The following CCSER1 variants were observed in gnomAD, a reference collection of about 807,000 sequenced individuals.
The protein encoded by CCSER1 is coiled-coil serine rich protein 1, also known as serine-rich coiled-coil domain-containing protein 1.
Under a neutral mutation model 82.0 loss-of-function variants are expected in CCSER1, and 41 were observed. The observed-to-expected ratio is 0.50, with a 90% CI of 0.39 to 0.65. CCSER1 has a LOEUF of 0.65. Ranked by LOEUF, CCSER1 falls within the 30% of genes least tolerant of loss-of-function variation. The pLI, the probability that CCSER1 is intolerant of heterozygous loss-of-function variation, is 0.00. For missense variants in CCSER1, 1,119 were observed against 1,064.2 expected (o/e 1.05, Z -0.72); for synonymous variants, 414 against 383.9 (o/e 1.08, Z -0.92).
chr4:90,519,959 G>T (rs922163307), intron 5 of CCSER1, among the ~76,000 whole-genome samples: 3 of 152,036 alleles, frequency 2.0e-5, no homozygotes, highest in African/African-American at 7.2e-5. Flanking sequence ...GTGTAGTACA[G>T]TGGTTACAAC....
chr4:90,590,654 T>C (rs1458909259), intron 5 of CCSER1, among the ~76,000 whole-genome samples: 3 of 152,108 alleles, frequency 2.0e-5, no homozygotes, highest in African/African-American at 7.2e-5. Context: ...TCCATAAGCC[T>C]ATATGTCTGT....
intron 5 of CCSER1, among the ~76,000 whole-genome samples, chr4:90,557,715 G>A (rs926203369): frequency 1.3e-5 from 2 of 152,034 alleles, no homozygotes; most frequent in African/African-American, 4.8e-5. Context: ...CTTCTTGGAA[G>A]GACAGTCTAG....
At chr4:90,403,819 A>G (rs1411083613) in intron 4 of CCSER1, 1 of 152,192 alleles carries the variant, frequency 6.6e-6, no homozygotes, top group East Asian at 1.9e-4. Context: ...AAGACCACAG[A>G]AGACAAGATT....
intron 9 of CCSER1, among the ~76,000 whole-genome samples, chr4:90,973,584 T>C (rs1735322471): frequency 6.6e-6 from 1 of 151,674 alleles, no homozygotes; most frequent in South Asian, 2.1e-4. Context: ...TTACTGCCAT[T>C]ATGAAAAACA....
chr4:91,193,238 CA>C (rs1455388673), intron 10 of CCSER1, among the ~76,000 whole-genome samples: 1 of 152,236 alleles, frequency 6.6e-6, no homozygotes, highest in Non-Finnish European at 1.5e-5. Context: ...CCTATCTTTG[CA>C]AAAAGTTATA....
chr4:90,568,774 T>C (rs1468334340), intron 5 of CCSER1, among the ~76,000 whole-genome samples: 1 of 151,152 alleles, frequency 6.6e-6, no homozygotes, highest in African/African-American at 2.4e-5. Flanking sequence ...TTTTTTTTTT[T>C]TCCTTTTTGA....
intron 8 of CCSER1, among the ~76,000 whole-genome samples, chr4:90,829,435 G>T (rs1396214227): frequency 1.3e-5 from 2 of 152,020 alleles, no homozygotes; most frequent in African/African-American, 2.4e-5. Context: ...AAATGAAAGA[G>T]TAAAAATAAA....
At chr4:91,099,823 GGCT>G (rs1411465278) in intron 10 of CCSER1, among the ~76,000 whole-genome samples, 2 of 152,124 alleles carry the variant, frequency 1.3e-5, no homozygotes, top group Non-Finnish European at 2.9e-5. Flanking sequence ...GTCTTATAGT[GGCT>G]GCTCTTAGAG....
rs191874898 is a variant in CCSER1, at chr4:90,851,655, T to C, written c.2094+35810T>C. ...AAACAAGTATTCTAAAGAAGAGGTG[T>C]ACAGAATGTGCTATTTGGCTTGTTT... On this transcript the variant is annotated intron_variant, in intron 8 of 10. Coordinates refer to ENST00000509176, the MANE Select transcript of CCSER1 (RefSeq NM_001145065.2). 2.1e-4 allele frequency among the ~76,000 whole-genome samples: 32 copies of C among 151,916 alleles called. No individual in the cohort carries two copies. The East Asian group carries it at 5.4e-3, about 26-fold the overall frequency.
chr4:90,340,366 T>C (rs1012366603), intron 3 of CCSER1, among the ~76,000 whole-genome samples: 4 of 152,208 alleles, frequency 2.6e-5, no homozygotes, highest in African/African-American at 9.6e-5. Flanking sequence ...CTTTGTTCTT[T>C]CATAGTAAAT....
At chr4:90,925,001 A>C (rs1298866839) in intron 9 of CCSER1, among the ~76,000 whole-genome samples, 1 of 152,308 alleles carries the variant, frequency 6.6e-6, no homozygotes, top group Non-Finnish European at 1.5e-5. Context: ...TTCTGGGATT[A>C]CAGGCGTGAG....
At chr4:91,201,471 G>T (rs923170128) in intron 10 of CCSER1, among the ~76,000 whole-genome samples, 1 of 152,084 alleles carries the variant, frequency 6.6e-6, no homozygotes, top group Non-Finnish European at 1.5e-5. Flanking sequence ...AGATGTAAAT[G>T]AAGGAGATGA....
intron 10 of CCSER1, among the ~76,000 whole-genome samples, chr4:91,266,706 T>A (rs1450061084): frequency 1.3e-5 from 2 of 152,214 alleles, no homozygotes; most frequent in Non-Finnish European, 2.9e-5. Context: ...AATGAAATGC[T>A]TAACATATGG....
intron 7 of CCSER1, among the ~76,000 whole-genome samples, chr4:90,791,819 CAA>C (rs35331482): frequency 4.0e-5 from 5 of 126,016 alleles, no homozygotes; most frequent in African/African-American, 1.1e-4. Context: ...GAGACTGTCT[CAA>C]AAAAAAAAAA....
intron 5 of CCSER1, among the ~76,000 whole-genome samples, chr4:90,494,178 A>G (rs1239946272): frequency 6.6e-6 from 1 of 152,246 alleles, no homozygotes; most frequent in African/African-American, 2.4e-5. Flanking sequence ...AGGCCATTAC[A>G]TAATGGTAAA....
chr4:91,216,691 C>T (rs62310743), intron 10 of CCSER1, among the ~76,000 whole-genome samples: 8,832 of 152,238 alleles, frequency 0.058, 506 homozygotes, highest in African/African-American at 0.15. Flanking sequence ...ACATAGGATA[C>T]ATACTTTCCT....
chr4:90,174,645 C>T (rs759861950), intron 1 of CCSER1, among the ~76,000 whole-genome samples: 3 of 151,836 alleles, frequency 2.0e-5, no homozygotes, highest in African/African-American at 4.8e-5. Context: ...GAGCTGCACT[C>T]GAAGAATGCT....
At chr4:90,653,423 G>A (rs1729141425) in intron 6 of CCSER1, among the ~76,000 whole-genome samples, 1 of 151,560 alleles carries the variant, frequency 6.6e-6, no homozygotes, top group Admixed American at 6.6e-5. Flanking sequence ...TTGGTTTTGT[G>A]CTAGAAATAC....
chr4:90,789,003 C>T (rs1754886873), intron 7 of CCSER1, among the ~76,000 whole-genome samples: 1 of 99,336 alleles, frequency 1.0e-5, no homozygotes, highest in South Asian at 2.9e-4. Flanking sequence ...TTCTATCTAA[C>T]ACATACACAC....
Sources: allele counts gnomAD v4.1 joint callset (sites outside exome capture counted in the v4.1 genomes callset), GRCh38; gene constraint gnomAD v4.1.1; transcripts MANE v1.5; gene names NCBI Gene and HGNC (gene_info 2026-07-23, HGNC 2026-07-21).